Variants in FAM13C observed in about 807,000 individuals in gnomAD.
FAM13C encodes the protein family with sequence similarity 13 member C, also known as protein FAM13C.
FAM13C carries 37 observed loss-of-function variants against 73.2 expected under a neutral mutation model. That is an observed-to-expected ratio of 0.51 (90% CI 0.39 to 0.67). FAM13C has a LOEUF of 0.67. Ranked by LOEUF, FAM13C falls within the 30% of genes least tolerant of loss-of-function variation. The probability of loss-of-function intolerance (pLI) is 0.00; values close to 1 mark genes in which losing one functional copy is unlikely to be tolerated. For missense variants in FAM13C, 589 were observed against 715.6 expected (o/e 0.82, Z 2.02); for synonymous variants, 246 against 260.9 (o/e 0.94, Z 0.55).
intron 10 of FAM13C, among the ~76,000 whole-genome samples, chr10:59,256,358 T>A (rs1012964941): frequency 6.6e-6 from 1 of 152,040 alleles, no homozygotes; most frequent in Admixed American, 6.6e-5. Flanking sequence ...GTGATTTGAA[T>A]GTATTCCCCA....
intron 10 of FAM13C, among the ~76,000 whole-genome samples, chr10:59,259,133 G>A (rs1283799693): frequency 2.0e-5 from 3 of 152,178 alleles, no homozygotes; most frequent in African/African-American, 4.8e-5. Context: ...TAACCCAGAA[G>A]TGATTATCTC....
At chr10:59,254,576 CATTTATTT>C (rs3078249) in intron 10 of FAM13C, 133 bp from the exon 11 acceptor site, 7,886 of 220,002 alleles carry the variant, frequency 0.036, 388 homozygotes, top group African/African-American at 0.13. Context: ...AAAGGAAAGT[CATTTATTT>C]ATTTATTTAT....
chr10:59,311,568 G>T (rs1486592256), intron 4 of FAM13C, among the ~76,000 whole-genome samples: 6 of 152,162 alleles, frequency 3.9e-5, no homozygotes, highest in Non-Finnish European at 7.3e-5. Context: ...ACGAGTGGTT[G>T]TAACCAATAC....
At chr10:59,257,723 T>C (rs913196794) in intron 10 of FAM13C, among the ~76,000 whole-genome samples, 12 of 152,162 alleles carry the variant, frequency 7.9e-5, no homozygotes, top group African/African-American at 2.7e-4. Context: ...CTGGATATTA[T>C]CATAGAAAGC....
At chr10:59,326,348 T>C (rs1352487723) in intron 3 of FAM13C, among the ~76,000 whole-genome samples, 1 of 152,118 alleles carries the variant, frequency 6.6e-6, no homozygotes. Context: ...CCACCAAGAA[T>C]TTCAAACCTC....
intron 3 of FAM13C, among the ~76,000 whole-genome samples, chr10:59,346,885 T>C (rs141911468): frequency 1.3e-5 from 2 of 152,290 alleles, no homozygotes; most frequent in Admixed American, 6.5e-5. Context: ...TAATTAGATA[T>C]CACATAAGGG....
intron 6 of FAM13C, among the ~76,000 whole-genome samples, chr10:59,281,813 A>C (rs1564519642): frequency 6.6e-6 from 1 of 152,248 alleles, no homozygotes; most frequent in Non-Finnish European, 1.5e-5. Flanking sequence ...CACATCCAAC[A>C]TGCAACAAAT....
At chr10:59,329,342 GTTTTTTTTTTTTTTTT>G (rs71006247) in intron 3 of FAM13C, among the ~76,000 whole-genome samples, 45 of 77,302 alleles carry the variant, frequency 5.8e-4, no homozygotes, top group African/African-American at 1.6e-3. Flanking sequence ...TTTCTTTCTG[GTTTTTTTTTTTTTTTT>G]TTTTTTTTTT....
Position 59,247,091 on chromosome 10 carries a change from G to A in FAM13C, c.*523C>T, listed in dbSNP as rs973243530. 1 of 156,266 alleles carries A rather than the reference G, an allele frequency of 6.4e-6. No individual in the cohort carries two copies. Among genetic ancestry groups the A allele is most frequent in the African/African-American group, 2.4e-5 (1 of 41,566 alleles). The allele number at this position is 156,266 out of a possible 1,614,324, so 9.7% of individuals were successfully genotyped here. A position where few individuals can be genotyped will look rare whatever the true frequency, so the allele number is the denominator to read the frequency against. ...TTTATTTTAGGGTACTGAGAGCCTA[G>A]CAGACTTAAAGGACAAGGTAGTAAA... is the stretch of plus-strand genomic sequence containing the variant. On this transcript the variant is annotated 3_prime_UTR_variant, in exon 14 of 14. Transcript: ENST00000618804.
rs769789503 is a variant in FAM13C at position 59,344,890 on chromosome 10, A to G, written c.324+7380T>C. Reference sequence around the variant, plus strand: ...TAGAGGCAGCAGGTCTCGGAACCCAATGGAGGCACAACAGGTACCAATAGG... The same window carrying G: ...TAGAGGCAGCAGGTCTCGGAACCCAGTGGAGGCACAACAGGTACCAATAGG... On this transcript the variant is annotated intron_variant, in intron 3 of 13. Transcript: ENST00000618804. Among the ~76,000 whole-genome samples the G allele has an allele frequency of 3.3e-5, 5 of 152,184 alleles. No individual in the cohort carries two copies. In the South Asian group the frequency reaches 8.3e-4, roughly 25 times the overall value.
chr10:59,362,747 A>G, upstream of FAM13C: 1 of 522,204 alleles, frequency 1.9e-6, no homozygotes, highest in East Asian at 3.7e-5. Context: ...GAGTTACCAC[A>G]CGACCCCGAC....
intron 5 of FAM13C, among the ~76,000 whole-genome samples, chr10:59,295,931 A>G (rs1349898934): frequency 6.6e-6 from 1 of 152,216 alleles, no homozygotes; most frequent in Non-Finnish European, 1.5e-5. Flanking sequence ...TGTTCTTATT[A>G]AAACCAAGTT....
At position 59,287,336 on chromosome 10, in the gene FAM13C, CAAAAAAAAAAAAAAA is replaced by C. The variant is rs58759332; in HGVS notation, c.508-3904_508-3890del. Among the ~76,000 whole-genome samples, 4 of 73,810 alleles carry C rather than the reference CAAAAAAAAAAAAAAA, an allele frequency of 5.4e-5. No individual in the cohort carries two copies. The Admixed American group carries it at 9.4e-4, about 17-fold the overall frequency. 48.4% of individuals were successfully genotyped at this position (73,810 alleles called of 152,430 possible). A position where few individuals can be genotyped will look rare whatever the true frequency, so the allele number is the denominator to read the frequency against. ...TGGGTGACAGAGTGAGACTCTGTCT[CAAAAAAAAAAAAAAA>C]AAAAAAAAAAAAAAAGTTAAATGGT... On this transcript the variant is annotated intron_variant, in intron 5 of 13. Coordinates refer to ENST00000618804, the MANE Select transcript of FAM13C (RefSeq NM_198215.4).
intron 8 of FAM13C, among the ~76,000 whole-genome samples, chr10:59,266,472 G>A (rs575742996): frequency 6.6e-6 from 1 of 152,270 alleles, no homozygotes; most frequent in South Asian, 2.1e-4. Context: ...CTTACACACA[G>A]CAACCAGTTA....
intron 5 of FAM13C, among the ~76,000 whole-genome samples, chr10:59,292,011 A>C (rs992567437): frequency 2.0e-5 from 3 of 152,014 alleles, no homozygotes; most frequent in Admixed American, 6.6e-5. Flanking sequence ...GATGGTCTCT[A>C]TCTCCTGACC....
chr10:59,314,196 G>T (rs1849261654), intron 4 of FAM13C, among the ~76,000 whole-genome samples: 1 of 152,142 alleles, frequency 6.6e-6, no homozygotes, highest in Admixed American at 6.5e-5. Flanking sequence ...CAAGATAGAT[G>T]TATTGGCAAG....
intron 10 of FAM13C, among the ~76,000 whole-genome samples, chr10:59,255,455 C>T (rs1448279494): frequency 6.6e-6 from 1 of 152,040 alleles, no homozygotes; most frequent in Non-Finnish European, 1.5e-5. Flanking sequence ...GCCTATTTAT[C>T]CAAAGTGACC....
In FAM13C at chr10:59,252,799, A is replaced by C. The variant is rs752126123; in HGVS notation, c.1532T>G (p.Met511Arg). 7 of 1,613,486 alleles carry C rather than the reference A, an allele frequency of 4.3e-6. No homozygotes were observed. Among genetic ancestry groups the C allele is most frequent in the African/African-American group, 2.7e-5 (2 of 74,942 alleles). ...CTCCACACTTAGGATTCATACTCAC[A>C]TGGTAGCCTCATGTAAATTAGACAT... Reference protein sequence around the residue: ...LSMSNLHEATMPVLLDHLRET... With the variant: ...LSMSNLHEATRPVLLDHLRET... The change falls in exon 12 of 14, where the codon ATG (methionine) becomes AGG (arginine). Residue 511 changes from methionine to arginine, a missense_variant and splice_region_variant. Transcript: ENST00000618804.
At chr10:59,290,943 A>G (rs930616471) in intron 5 of FAM13C, among the ~76,000 whole-genome samples, 10 of 152,186 alleles carry the variant, frequency 6.6e-5, no homozygotes, top group African/African-American at 2.2e-4. Context: ...GTGCTTAAAA[A>G]TCACAGGGGA....
Sources: allele counts gnomAD v4.1 joint callset (sites outside exome capture counted in the v4.1 genomes callset), GRCh38; gene constraint gnomAD v4.1.1; transcripts MANE v1.5; gene names NCBI Gene and HGNC (gene_info 2026-07-23, HGNC 2026-07-21).